The following CSMD1 variants were observed in gnomAD, a reference collection of about 807,000 sequenced individuals.
CSMD1 encodes the protein CUB and Sushi multiple domains 1.
In CSMD1, 213 loss-of-function variants were observed where a neutral mutation model predicts 417.5. The ratio of observed to expected loss-of-function variants is 0.51; its 90% CI spans 0.46 to 0.57. CSMD1 has a LOEUF of 0.57. CSMD1 is among the 20% of genes least tolerant of loss of function. The probability of loss-of-function intolerance (pLI) is 0.00; values close to 1 mark genes in which losing one functional copy is unlikely to be tolerated. For synonymous variants in CSMD1, 2,862 were observed against 1,736.8 expected (o/e 1.65, Z -16.11); for missense variants, 6,923 against 4,529.7 (o/e 1.53, Z -15.17).
intron 11 of CSMD1, among the ~76,000 whole-genome samples, chr8:3,474,503 G>C (rs10094963): frequency 0.18 from 26,646 of 151,974 alleles, 2,514 homozygotes; most frequent in Middle Eastern, 0.26. Flanking sequence ...AATCTTTCTT[G>C]TCTTCATTAA....
intron 1 of CSMD1, among the ~76,000 whole-genome samples, chr8:4,715,571 C>A (rs1808599425): frequency 6.6e-6 from 1 of 152,164 alleles, no homozygotes; most frequent in Non-Finnish European, 1.5e-5. Context: ...CCCTGAACTT[C>A]TCTGCGGATG....
chr8:4,098,630 C>G (rs868230963), intron 3 of CSMD1, among the ~76,000 whole-genome samples: 58 of 152,004 alleles, frequency 3.8e-4, no homozygotes, highest in Admixed American at 5.2e-4. Context: ...AGTGAAATAC[C>G]CCATTTCTAC....
chr8:3,950,611 G>C (rs1755470696), intron 5 of CSMD1, among the ~76,000 whole-genome samples: 1 of 152,160 alleles, frequency 6.6e-6, no homozygotes, highest in Admixed American at 6.5e-5. Flanking sequence ...ATTAAGTCGT[G>C]GCTCAGCAGG....
intron 37 of CSMD1, among the ~76,000 whole-genome samples, chr8:3,172,673 G>C (rs1236847002): frequency 6.6e-6 from 1 of 152,142 alleles, no homozygotes; most frequent in African/African-American, 2.4e-5. Flanking sequence ...AAGGGGAATG[G>C]AGAAAGAATC....
At chr8:4,617,429 G>C (rs1213174293) in intron 2 of CSMD1, among the ~76,000 whole-genome samples, 3 of 152,164 alleles carry the variant, frequency 2.0e-5, no homozygotes, top group African/African-American at 4.8e-5. Context: ...ATGCAAGGTA[G>C]TAGGACTGAT....
intron 4 of CSMD1, among the ~76,000 whole-genome samples, chr8:4,027,585 C>A (rs1391911264): frequency 2.0e-5 from 3 of 152,134 alleles, no homozygotes; most frequent in Admixed American, 2.0e-4. Context: ...GTTCCTGAGG[C>A]CTCCGCAGCC....
chr8:3,949,923 A>C (rs886769355), intron 5 of CSMD1: 4 of 455,890 alleles, frequency 8.8e-6, no homozygotes, highest in Admixed American at 2.4e-5. Context: ...GTGTTGAGGC[A>C]GGACGTGAAA....
At chr8:4,421,593 C>G (rs541231082) in intron 2 of CSMD1, among the ~76,000 whole-genome samples, 1 of 151,704 alleles carries the variant, frequency 6.6e-6, no homozygotes, top group South Asian at 2.1e-4. Flanking sequence ...AATCCAGGGG[C>G]CAAAGAGAAA....
intron 37 of CSMD1, among the ~76,000 whole-genome samples, chr8:3,166,395 G>T (rs375162398): frequency 6.6e-6 from 1 of 152,034 alleles, no homozygotes; most frequent in Admixed American, 6.5e-5. Flanking sequence ...GTACCCGGGC[G>T]TGGTGGTGTG....
At chr8:3,662,838 G>T (rs1293551899) in intron 7 of CSMD1, among the ~76,000 whole-genome samples, 1 of 152,070 alleles carries the variant, frequency 6.6e-6, no homozygotes, top group Non-Finnish European at 1.5e-5. Context: ...GGGCCTGTCG[G>T]TGGGTAGGGG....
intron 21 of CSMD1, among the ~76,000 whole-genome samples, chr8:3,356,390 C>T (rs1808791915): frequency 6.6e-6 from 1 of 152,142 alleles, no homozygotes; most frequent in African/African-American, 2.4e-5. Flanking sequence ...ATGAAGACAA[C>T]TTGAGGCCGG....
chr8:3,910,958 T>G (rs1336694967), intron 5 of CSMD1, among the ~76,000 whole-genome samples: 3 of 152,212 alleles, frequency 2.0e-5, no homozygotes. Context: ...AGGAACGCTT[T>G]CTTGGGCATA....
At chr8:4,157,294 G>C (rs1413116837) in intron 3 of CSMD1, among the ~76,000 whole-genome samples, 2 of 152,318 alleles carry the variant, frequency 1.3e-5, no homozygotes, top group South Asian at 2.1e-4. Context: ...TGCAATTGCA[G>C]AGCTGGGTCA....
At chr8:3,868,540 C>A (rs1805264859) in intron 5 of CSMD1, among the ~76,000 whole-genome samples, 1 of 152,142 alleles carries the variant, frequency 6.6e-6, no homozygotes, top group African/African-American at 2.4e-5. Flanking sequence ...TGCGTACCTG[C>A]AGCCTGAACC....
At chr8:4,815,494 G>C (rs1015841309) in intron 1 of CSMD1, among the ~76,000 whole-genome samples, 1 of 151,642 alleles carries the variant, frequency 6.6e-6, no homozygotes, top group Non-Finnish European at 1.5e-5. Flanking sequence ...TCAGGAGATC[G>C]AGACCAGCCT....
At chr8:3,850,563 C>G (rs1198101126) in intron 5 of CSMD1, among the ~76,000 whole-genome samples, 4 of 152,088 alleles carry the variant, frequency 2.6e-5, no homozygotes, top group Non-Finnish European at 5.9e-5. Context: ...GGCATGATGG[C>G]TCTCACCTGT....
rs1810007925 is a variant in CSMD1 at position 3,372,308 on chromosome 8, C to T, written c.2783-2938G>A. 3.3e-5 allele frequency among the ~76,000 whole-genome samples: 5 copies of T among 152,218 alleles called. No homozygotes were observed. The South Asian group carries it at 1.0e-3, about 32-fold the overall frequency. ...GCAGGGACAGGGAACAGAAAGGACA[C>T]CTCTGTGACTGGGGGGTCCTTGTAA... On this transcript the variant is annotated intron_variant, in intron 18 of 69. Coordinates refer to ENST00000635120, the MANE Select transcript of CSMD1 (RefSeq NM_033225.6).
intron 1 of CSMD1, among the ~76,000 whole-genome samples, chr8:4,730,374 A>G (rs1809764080): frequency 6.6e-6 from 1 of 152,222 alleles, no homozygotes; most frequent in Non-Finnish European, 1.5e-5. Context: ...ACATATTCAA[A>G]CTAAATTTGT....
At chr8:3,453,888 A>C (rs1214959874) in intron 12 of CSMD1, among the ~76,000 whole-genome samples, 1 of 152,166 alleles carries the variant, frequency 6.6e-6, no homozygotes, top group Non-Finnish European at 1.5e-5. Flanking sequence ...TGTCTTGTTG[A>C]AATGTCTGAT....
Sources: allele counts gnomAD v4.1 joint callset (sites outside exome capture counted in the v4.1 genomes callset), GRCh38; gene constraint gnomAD v4.1.1; transcripts MANE v1.5; gene names NCBI Gene and HGNC (gene_info 2026-07-23, HGNC 2026-07-21).